Variants in CSMD1 observed in about 807,000 individuals in gnomAD.
The protein encoded by CSMD1 is CUB and sushi domain-containing protein 1.
A neutral mutation model predicts 417.5 loss-of-function variants in CSMD1; 213 were observed. The observed-to-expected ratio is 0.51, with a 90% confidence interval of 0.46 to 0.57. The LOEUF (loss-of-function observed/expected upper bound fraction) is 0.57, where lower values mean the gene tolerates loss of function less well. CSMD1 is among the 20% of genes least tolerant of loss of function. The probability of loss-of-function intolerance (pLI) is 0.00; values close to 1 mark genes in which losing one functional copy is unlikely to be tolerated. For missense variants in CSMD1, 6,923 were observed against 4,529.7 expected, an observed-to-expected ratio of 1.53 and a Z score of -15.17; for synonymous variants, 2,862 against 1,736.8, an observed-to-expected ratio of 1.65 and a Z score of -16.11.
At chr8:3,347,771 G>A (rs1585034000) in intron 22 of CSMD1, among the ~76,000 whole-genome samples, 1 of 152,202 alleles carries the variant, frequency 6.6e-6, no homozygotes, top group South Asian at 2.1e-4. Context: ...ATAAATGTTA[G>A]ATCGAGGTTT....
chr8:4,158,467 G>A (rs954358475), intron 3 of CSMD1, among the ~76,000 whole-genome samples: 1 of 152,080 alleles, frequency 6.6e-6, no homozygotes, highest in Non-Finnish European at 1.5e-5. Context: ...TACTAATACA[G>A]CCGCTAGTGC....
intron 4 of CSMD1, among the ~76,000 whole-genome samples, chr8:4,005,672 T>A (rs1296174471): frequency 2.6e-5 from 4 of 152,256 alleles, no homozygotes; most frequent in African/African-American, 7.2e-5. Context: ...TGGTGCTTTC[T>A]TCCCACTTCA....
At chr8:4,005,923 GAACC>G (rs1816074839) in intron 4 of CSMD1, among the ~76,000 whole-genome samples, 1 of 152,136 alleles carries the variant, frequency 6.6e-6, no homozygotes, top group Non-Finnish European at 1.5e-5. Flanking sequence ...TGACTTTGCA[GAACC>G]ATGCATTTAT....
chr8:4,169,630 C>G (rs2131131046), intron 3 of CSMD1, among the ~76,000 whole-genome samples: 1 of 152,236 alleles, frequency 6.6e-6, no homozygotes, highest in African/African-American at 2.4e-5. Flanking sequence ...GCATCAGTCC[C>G]TTGCTGCTGC....
At chr8:3,826,752 C>T (rs1002411886) in intron 5 of CSMD1, among the ~76,000 whole-genome samples, 1 of 152,022 alleles carries the variant, frequency 6.6e-6, no homozygotes, top group African/African-American at 2.4e-5. Flanking sequence ...TAGGAGGACT[C>T]ACTTATAAGC....
At position 4,928,642 on chromosome 8, in the gene CSMD1, A is replaced by T. The variant is rs147375625; in HGVS notation, c.85+65690T>A. On this transcript the variant is annotated intron_variant, in intron 1 of 69. Coordinates refer to ENST00000635120, the MANE Select transcript of CSMD1 (RefSeq NM_033225.6). ...GTAACTGGCTCATAGTAAGGGGCTGACAGGAATTCATTGTTACTCAGGGTT... is the reference window on the plus strand; with the variant it reads ...GTAACTGGCTCATAGTAAGGGGCTGTCAGGAATTCATTGTTACTCAGGGTT... 5.0e-3 allele frequency among the ~76,000 whole-genome samples: 755 copies of T among 152,304 alleles called. 4 individuals are homozygous for T. The highest frequency in any genetic ancestry group is 7.7e-3 in the Non-Finnish European group (524 of 68,024).
chr8:3,364,658 T>G (rs762821059), intron 20 of CSMD1, among the ~76,000 whole-genome samples: 1 of 152,310 alleles, frequency 6.6e-6, no homozygotes, highest in Non-Finnish European at 1.5e-5. Context: ...TTAAAAGGGC[T>G]TCTTCTCTTT....
chr8:2,967,943 G>C (rs1011213200), intron 57 of CSMD1, among the ~76,000 whole-genome samples: 8 of 152,044 alleles, frequency 5.3e-5, no homozygotes, highest in Non-Finnish European at 5.9e-5. Flanking sequence ...GTGCTTCCTG[G>C]TCCCGTGCCA....
intron 7 of CSMD1, among the ~76,000 whole-genome samples, chr8:3,653,403 G>T (rs1241566515): frequency 1.3e-5 from 2 of 152,036 alleles, no homozygotes; most frequent in African/African-American, 4.8e-5. Flanking sequence ...CCGCCTCCTG[G>T]ATTCAAACGA....
At chr8:4,954,660 T>C (rs1400678649) in intron 1 of CSMD1, among the ~76,000 whole-genome samples, 1 of 152,236 alleles carries the variant, frequency 6.6e-6, no homozygotes, top group African/African-American at 2.4e-5. Flanking sequence ...TGTGTACTCA[T>C]CTGAATTCAT....
intron 2 of CSMD1, among the ~76,000 whole-genome samples, chr8:4,585,067 C>T (rs570311938): frequency 6.8e-6 from 1 of 147,864 alleles, no homozygotes; most frequent in East Asian, 2.0e-4. Context: ...CCCAGCATAC[C>T]AGGAGAAAAG....
intron 26 of CSMD1, among the ~76,000 whole-genome samples, chr8:3,279,677 G>T (rs1290303551): frequency 6.6e-6 from 1 of 152,164 alleles, no homozygotes; most frequent in Non-Finnish European, 1.5e-5. Context: ...TTAACTCACA[G>T]TTCAGCATGG....
intron 12 of CSMD1, among the ~76,000 whole-genome samples, chr8:3,427,335 C>T (rs909597255): frequency 2.0e-5 from 3 of 152,146 alleles, no homozygotes; most frequent in African/African-American, 7.2e-5. Flanking sequence ...GGAAATGAAT[C>T]AGTACTGATT....
At chr8:3,120,703 C>CG (rs145611759) in intron 41 of CSMD1, among the ~76,000 whole-genome samples, 6,047 of 138,338 alleles carry the variant, frequency 0.044, 255 homozygotes, top group East Asian at 0.2. Context: ...AAAAATTAGC[C>CG]AGGGGGGGTG....
chr8:4,928,311 T>G (rs994118965), intron 1 of CSMD1, among the ~76,000 whole-genome samples: 1 of 152,126 alleles, frequency 6.6e-6, no homozygotes, highest in Non-Finnish European at 1.5e-5. Context: ...TCCCCTTTAT[T>G]TTTCTACGGA....
intron 1 of CSMD1, among the ~76,000 whole-genome samples, chr8:4,890,312 G>C (rs992666453): frequency 6.6e-6 from 1 of 152,106 alleles, no homozygotes; most frequent in Admixed American, 6.5e-5. Context: ...CTGAAAAGGA[G>C]AGAGAACCTC....
chr8:3,799,547 T>C (rs904198729), intron 5 of CSMD1, among the ~76,000 whole-genome samples: 1 of 151,822 alleles, frequency 6.6e-6, no homozygotes, highest in Admixed American at 6.6e-5. Flanking sequence ...ATCTAAAATA[T>C]GTGACTAATA....
Position 4,787,183 on chromosome 8 carries a change from G to C in CSMD1, c.86-149625C>G, listed in dbSNP as rs182999564. 165 of 417,798 alleles carry C rather than the reference G, an allele frequency of 3.9e-4. 1 individual carries two copies. Among genetic ancestry groups the C allele is most frequent in the Non-Finnish European group, 6.3e-4 (140 of 223,012 alleles). The allele number at this position is 417,798 out of a possible 1,614,324, so 25.9% of individuals were successfully genotyped here. A position where few individuals can be genotyped will look rare whatever the true frequency, so the allele number is the denominator to read the frequency against. ...CGGCCGCTGTAGCGGAGCTCGGAAA[G>C]AGTGGCGCAGGGTCGCGGGGCCCCG... On this transcript the variant is annotated intron_variant, in intron 1 of 69. Coordinates refer to ENST00000635120, the MANE Select transcript of CSMD1 (RefSeq NM_033225.6).
chr8:4,348,175 G>A (rs1800883002), intron 3 of CSMD1, among the ~76,000 whole-genome samples: 1 of 152,250 alleles, frequency 6.6e-6, no homozygotes, highest in African/African-American at 2.4e-5. Context: ...TACTGCATAT[G>A]ATCTCTGGAT....
Sources: gnomAD v4.1 joint callset for allele counts (sites outside exome capture counted in the v4.1 genomes callset) on GRCh38, gnomAD v4.1.1 for gene constraint, MANE v1.5 for transcripts, NCBI Gene and HGNC (gene_info 2026-07-23, HGNC 2026-07-21) for gene names.